The following ZNF385B variants were observed in gnomAD, a reference collection of about 807,000 sequenced individuals.
ZNF385B encodes zinc finger protein 385B.
Under a neutral mutation model 39.2 loss-of-function variants are expected in ZNF385B, and 23 were observed. The observed-to-expected ratio is 0.59, with a 90% CI of 0.42 to 0.83. The LOEUF (loss-of-function observed/expected upper bound fraction) is 0.83, where lower values mean the gene tolerates loss of function less well. ZNF385B is among the 40% of genes least tolerant of loss of function. The probability of loss-of-function intolerance (pLI) is 0.00; values close to 1 mark genes in which losing one functional copy is unlikely to be tolerated. For missense variants in ZNF385B, 552 were observed against 598.9 expected, an observed-to-expected ratio of 0.92 and a Z score of 0.82; for synonymous variants, 205 against 222.6, an observed-to-expected ratio of 0.92 and a Z score of 0.70.
intron 3 of ZNF385B, among the ~76,000 whole-genome samples, chr2:179,585,221 G>A (rs1307311406): frequency 2.0e-5 from 3 of 152,150 alleles, no homozygotes; most frequent in Non-Finnish European, 2.9e-5. Context: ...AATGTGCCCA[G>A]AGTAAAAAAG....
At chr2:179,785,648 T>C (rs937983757) in intron 1 of ZNF385B, among the ~76,000 whole-genome samples, 9 of 152,018 alleles carry the variant, frequency 5.9e-5, no homozygotes, top group Non-Finnish European at 1.0e-4. Context: ...GTGACGGAAA[T>C]AGCAAGAGAA....
chr2:179,590,814 C>T (rs1187471555), intron 3 of ZNF385B, among the ~76,000 whole-genome samples: 1 of 152,080 alleles, frequency 6.6e-6, no homozygotes, highest in African/African-American at 2.4e-5. Context: ...TGTAAGATGT[C>T]CCTTACACAC....
chr2:179,624,974 T>G (rs1429150858), intron 3 of ZNF385B, among the ~76,000 whole-genome samples: 2 of 152,004 alleles, frequency 1.3e-5, no homozygotes, highest in African/African-American at 2.4e-5. Flanking sequence ...AATGTTCAAG[T>G]GATATTAGAA....
chr2:179,519,906 T>G (rs2058362416), intron 4 of ZNF385B, among the ~76,000 whole-genome samples: 1 of 152,188 alleles, frequency 6.6e-6, no homozygotes. Flanking sequence ...CTAAATACAT[T>G]AGAAAGGCAA....
At chr2:179,531,975 A>G (rs983804805) in intron 4 of ZNF385B, among the ~76,000 whole-genome samples, 1 of 152,232 alleles carries the variant, frequency 6.6e-6, no homozygotes, top group African/African-American at 2.4e-5. Flanking sequence ...TTGTCTCTGC[A>G]TTTATAGTGT....
At chr2:179,662,335 G>A (rs1263153595) in intron 3 of ZNF385B, among the ~76,000 whole-genome samples, 1 of 151,198 alleles carries the variant, frequency 6.6e-6, no homozygotes, top group Non-Finnish European at 1.5e-5. Flanking sequence ...TTTTTTAAAC[G>A]TCTGTGTTAT....
At chr2:179,780,198 T>C (rs1490884325) in intron 1 of ZNF385B, among the ~76,000 whole-genome samples, 1 of 152,158 alleles carries the variant, frequency 6.6e-6, no homozygotes, top group Non-Finnish European at 1.5e-5. Context: ...CAACAAGATG[T>C]GGAAAGAGCA....
intron 3 of ZNF385B, among the ~76,000 whole-genome samples, chr2:179,575,489 C>G (rs1428774890): frequency 6.6e-6 from 1 of 152,078 alleles, no homozygotes; most frequent in Non-Finnish European, 1.5e-5. Flanking sequence ...GATTGAGAAG[C>G]AGAAGTCGAA....
rs145586556 is a variant in ZNF385B, at chr2:179,771,298, G to A, written c.-154-626C>T. On this transcript the variant is annotated intron_variant, in intron 1 of 9. Coordinates refer to ENST00000410066, the MANE Select transcript of ZNF385B (RefSeq NM_152520.6). Reference sequence around the variant, plus strand: ...TTCACAAGCAGGATGTTTAAAATTCGGAAAAGGTATGACCATAAAACCAGA... The same window carrying A: ...TTCACAAGCAGGATGTTTAAAATTCAGAAAAGGTATGACCATAAAACCAGA... 4.6e-3 allele frequency among the ~76,000 whole-genome samples: 694 copies of A among 152,236 alleles called. 3 individuals carry two copies. Among genetic ancestry groups the A allele is most frequent in the Middle Eastern group, 0.014 (4 of 294 alleles).
intron 5 of ZNF385B, among the ~76,000 whole-genome samples, chr2:179,491,683 C>A (rs186188391): frequency 1.6e-4 from 24 of 152,162 alleles, no homozygotes; most frequent in African/African-American, 5.5e-4. Context: ...TGGATAATAT[C>A]TTTTATTTTT....
intron 3 of ZNF385B, among the ~76,000 whole-genome samples, chr2:179,715,896 C>T (rs182372833): frequency 6.6e-6 from 1 of 152,030 alleles, no homozygotes; most frequent in African/African-American, 2.4e-5. Flanking sequence ...TTTATTCTTC[C>T]TTTCATTAAA....
At chr2:179,825,337 T>G (rs1199483638) in intron 1 of ZNF385B, among the ~76,000 whole-genome samples, 1 of 152,008 alleles carries the variant, frequency 6.6e-6, no homozygotes, top group Non-Finnish European at 1.5e-5. Context: ...TTTTGTTTTG[T>G]TTTTCAATTT....
intron 3 of ZNF385B, among the ~76,000 whole-genome samples, chr2:179,619,298 G>C (rs1485847490): frequency 6.6e-6 from 1 of 152,186 alleles, no homozygotes; most frequent in Admixed American, 6.5e-5. Flanking sequence ...AGTCTTCCAA[G>C]AGAAATATAC....
intron 3 of ZNF385B, among the ~76,000 whole-genome samples, chr2:179,553,864 T>C (rs1182789654): frequency 6.7e-6 from 1 of 148,954 alleles, no homozygotes; most frequent in Admixed American, 6.7e-5. Context: ...AATCAAGCCT[T>C]AAATTTTTTT....
intron 4 of ZNF385B, among the ~76,000 whole-genome samples, chr2:179,526,862 T>C (rs909061385): frequency 1.3e-5 from 2 of 152,194 alleles, no homozygotes; most frequent in Admixed American, 6.5e-5. Flanking sequence ...GATGGTTTCT[T>C]CAAGAATCCC....
At chr2:179,504,222 C>T (rs981736076) in intron 5 of ZNF385B, among the ~76,000 whole-genome samples, 17 of 152,016 alleles carry the variant, frequency 1.1e-4, no homozygotes, top group Non-Finnish European at 2.1e-4. Context: ...TTTTTTATGG[C>T]TGCATAGTAA....
intron 1 of ZNF385B, among the ~76,000 whole-genome samples, chr2:179,782,193 T>A (rs1057159276): frequency 1.3e-5 from 2 of 152,146 alleles, no homozygotes; most frequent in Non-Finnish European, 2.9e-5. Context: ...TGCAAATCAA[T>A]AAATGTGATT....
chr2:179,498,392 C>A (rs1412764457), intron 5 of ZNF385B, among the ~76,000 whole-genome samples: 1 of 151,956 alleles, frequency 6.6e-6, no homozygotes, highest in Admixed American at 6.6e-5. Flanking sequence ...AATATATATT[C>A]TTTTCCTCAA....
In ZNF385B at chr2:179,698,309, C is replaced by A. The variant is rs115319356; in HGVS notation, c.298+71194G>T. Among the ~76,000 whole-genome samples, 790 of 152,160 alleles carry A rather than the reference C, an allele frequency of 5.2e-3. 7 individuals are homozygous for A. Among genetic ancestry groups the A allele is most frequent in the African/African-American group, 0.018 (759 of 41,526 alleles). On this transcript the variant is annotated intron_variant, in intron 3 of 9. Coordinates refer to ENST00000410066, the MANE Select transcript of ZNF385B (RefSeq NM_152520.6). ...CAGCTAGCTATCTTTCAGTAAAACA[C>A]GGTTAAAGCAATAGGTATGGTAAAA...
Sources: allele counts gnomAD v4.1 joint callset (sites outside exome capture counted in the v4.1 genomes callset), GRCh38; gene constraint gnomAD v4.1.1; transcripts MANE v1.5; gene names NCBI Gene and HGNC (gene_info 2026-07-23, HGNC 2026-07-21).